Variants in NCOA3 observed in about 807,000 individuals in gnomAD.
NCOA3 encodes the protein nuclear receptor coactivator 3, also known as CBP-interacting protein.
A neutral mutation model predicts 158.8 loss-of-function variants in NCOA3; 51 were observed. The observed-to-expected ratio is 0.32, with a 90% CI of 0.26 to 0.41. The LOEUF is 0.41. NCOA3 is among the 10% of genes least tolerant of loss of function. NCOA3 has a pLI of 1.00. For missense variants in NCOA3, 1,510 were observed against 1,746.6 expected, an observed-to-expected ratio of 0.86 and a Z score of 2.41; for synonymous variants, 537 against 592.4, an observed-to-expected ratio of 0.91 and a Z score of 1.36.
At chr20:47,593,261 G>A (rs1602453019) in intron 2 of NCOA3, among the ~76,000 whole-genome samples, 3 of 149,268 alleles carry the variant, frequency 2.0e-5, no homozygotes, top group African/African-American at 7.4e-5. Flanking sequence ...TCAAGACTTT[G>A]GAATCCCAGA....
chr20:47,548,789 C>T (rs952498878), intron 1 of NCOA3, among the ~76,000 whole-genome samples: 2 of 151,818 alleles, frequency 1.3e-5, no homozygotes, highest in East Asian at 3.9e-4. Context: ...TGTGTAGTCT[C>T]CCCAAGAAGG....
At chr20:47,591,834 C>T (rs548795290) in intron 2 of NCOA3, among the ~76,000 whole-genome samples, 6 of 150,252 alleles carry the variant, frequency 4.0e-5, no homozygotes, top group East Asian at 2.0e-4. Flanking sequence ...TTTCTTTTTA[C>T]GTTTGGTTTA....
intron 1 of NCOA3, among the ~76,000 whole-genome samples, chr20:47,512,563 T>G (rs2084162968): frequency 1.5e-5 from 2 of 137,452 alleles, no homozygotes; most frequent in Admixed American, 7.4e-5. Flanking sequence ...TGAGACTCTG[T>G]CTCACTAAAA....
chr20:47,578,329 G>A (rs1037098968), intron 1 of NCOA3, among the ~76,000 whole-genome samples: 1 of 152,112 alleles, frequency 6.6e-6, no homozygotes, highest in African/African-American at 2.4e-5. Context: ...GGAACTACAG[G>A]CGCCCACCAC....
At position 47,647,377 on chromosome 20, in the gene NCOA3, A is replaced by G. The variant is rs2086705662; in HGVS notation, c.3546+11A>G. On this transcript the variant is annotated intron_variant, in intron 18 of 22. Transcript: ENST00000371998. ...CTGCAGGGCCAGCAGGTAACCAGTC[A>G]TGTGTTCTTCCCTCTGGCTTCTCCT... is the stretch of plus-strand genomic sequence containing the variant. 6.2e-7 allele frequency: 1 copy of G among 1,611,236 alleles called. No homozygotes were observed. The highest frequency in any genetic ancestry group is 1.3e-5 in the African/African-American group (1 of 74,832).
chr20:47,634,620 A>G (rs2086478294), intron 10 of NCOA3, among the ~76,000 whole-genome samples: 1 of 152,208 alleles, frequency 6.6e-6, no homozygotes, highest in South Asian at 2.1e-4. Flanking sequence ...TATCTTGAGT[A>G]ATTTGCAGGT....
chr20:47,603,260 A>T (rs967318520), intron 2 of NCOA3, among the ~76,000 whole-genome samples: 1 of 152,248 alleles, frequency 6.6e-6, no homozygotes, highest in African/African-American at 2.4e-5. Context: ...TGCTTAATTT[A>T]TTCAGCTAAT....
At chr20:47,643,068 G>A (rs1348745460) in intron 17 of NCOA3, among the ~76,000 whole-genome samples, 4 of 152,122 alleles carry the variant, frequency 2.6e-5, no homozygotes, top group South Asian at 2.1e-4. Flanking sequence ...CCGCCACCAC[G>A]CCCGGGTAAT....
In NCOA3 at chr20:47,635,473, C is replaced by A. The variant is rs748776957; in HGVS notation, c.1264C>A (p.Pro422Thr). The change falls in exon 11 of 23, where the codon CCT (proline) becomes ACT (threonine). Residue 422 changes from proline (P) to threonine (T), a missense_variant. Physicochemically the swap from Pro to Thr is conservative, Grantham distance 38. Coordinates refer to ENST00000371998, the MANE Select transcript of NCOA3 (RefSeq NM_181659.3). ...CAGCAGGGCCTATGGCTTGGCAGACCCTAGCACCACAGGGCAGATGAGTGG... is the reference window on the plus strand; with the variant it reads ...CAGCAGGGCCTATGGCTTGGCAGACACTAGCACCACAGGGCAGATGAGTGG... The part of the protein sequence containing the change: ...PSSRAYGLAD[P>T]STTGQMSGAR... 4 of 1,613,926 alleles carry A rather than the reference C, an allele frequency of 2.5e-6. No individual in the cohort carries two copies. Among genetic ancestry groups the A allele is most frequent in the Middle Eastern group, 1.6e-4 (1 of 6,084 alleles).
intron 2 of NCOA3, among the ~76,000 whole-genome samples, chr20:47,588,760 A>G (rs945867694): frequency 6.6e-6 from 1 of 152,090 alleles, no homozygotes; most frequent in African/African-American, 2.4e-5. Context: ...AGCGTACTAT[A>G]TATACTCTTG....
intron 1 of NCOA3, among the ~76,000 whole-genome samples, chr20:47,504,248 A>G (rs1316768617): frequency 2.0e-5 from 3 of 152,164 alleles, no homozygotes; most frequent in African/African-American, 7.2e-5. Flanking sequence ...TATGCTGTGC[A>G]TTTCCTTCTC....
intron 1 of NCOA3, among the ~76,000 whole-genome samples, chr20:47,503,904 G>A (rs1002529090): frequency 1.3e-5 from 2 of 152,136 alleles, no homozygotes; most frequent in African/African-American, 4.8e-5. Context: ...GGCATTTTAT[G>A]TATAGATGGA....
intron 1 of NCOA3, among the ~76,000 whole-genome samples, chr20:47,510,432 C>A (rs868387639): frequency 7.2e-4 from 49 of 67,856 alleles, no homozygotes; most frequent in Admixed American, 1.3e-3. Context: ...GACTCCATCT[C>A]AAAAAAAAAA....
At chr20:47,647,395 C>T (rs2086706237) in intron 18 of NCOA3, 29 bp downstream of exon 18, 1 of 1,597,246 alleles carries the variant, frequency 6.3e-7, no homozygotes, top group South Asian at 1.1e-5. Flanking sequence ...TTCCCTCTGG[C>T]TTCTCCTTCT....
intron 1 of NCOA3, among the ~76,000 whole-genome samples, chr20:47,525,593 G>A (rs1393934440): frequency 1.9e-4 from 26 of 134,172 alleles, no homozygotes; most frequent in Non-Finnish European, 3.9e-4. Flanking sequence ...CCTGGACGGG[G>A]CGGCTGGCCG....
chr20:47,622,405 C>G lies in NCOA3; in HGVS notation c.83+75C>G, dbSNP rs571785855. 122 of 988,472 alleles carry G rather than the reference C, an allele frequency of 1.2e-4. 1 individual carries two copies. In the South Asian group the frequency reaches 2.1e-3, roughly 17 times the overall value. 61.2% of individuals were successfully genotyped at this position (988,472 alleles called of 1,614,324 possible). On this transcript the variant is annotated intron_variant, in intron 3 of 22. Coordinates refer to ENST00000371998, the MANE Select transcript of NCOA3 (RefSeq NM_181659.3). ...TAAGGATAACATTTTAACTTCTTGC[C>G]ATTTACATTCTCTGGTTAGATTTTT...
chr20:47,577,046 G>A (rs1378659982), intron 1 of NCOA3, among the ~76,000 whole-genome samples: 1 of 152,142 alleles, frequency 6.6e-6, no homozygotes, highest in Non-Finnish European at 1.5e-5. Flanking sequence ...CTGCCAACCA[G>A]ATTTTTAAGT....
chr20:47,510,798 G>C (rs570921810), intron 1 of NCOA3, among the ~76,000 whole-genome samples: 2 of 152,010 alleles, frequency 1.3e-5, no homozygotes, highest in African/African-American at 4.8e-5. Flanking sequence ...TCTTTGGCTG[G>C]TCTTGAACTC....
rs535515538 is a variant in NCOA3, at chr20:47,625,261, TTGTA to T, written c.257-109_257-106del. On this transcript the variant is annotated intron_variant, in intron 4 of 22. Coordinates refer to ENST00000371998, the MANE Select transcript of NCOA3 (RefSeq NM_181659.3). ...CATCATTCTCTTATGAGGAAATGTT[TTGTA>T]TGTATGTATGGGCATGTGCATGTGT... The T allele has an allele frequency of 8.4e-4, 528 of 632,142 alleles. 2 individuals carry two copies. The African/African-American group carries it at 8.5e-3, about 10-fold the overall frequency. The allele number at this position is 632,142 out of a possible 1,614,324, so 39.2% of individuals were successfully genotyped here. A position where few individuals can be genotyped will look rare whatever the true frequency, so the allele number is the denominator to read the frequency against.
Sources: allele counts gnomAD v4.1 joint callset (sites outside exome capture counted in the v4.1 genomes callset), GRCh38; gene constraint gnomAD v4.1.1; transcripts MANE v1.5; gene names NCBI Gene and HGNC (gene_info 2026-07-23, HGNC 2026-07-21).